Variants in HDAC9 observed in about 807,000 individuals in gnomAD.
HDAC9 encodes the protein histone deacetylase 9.
Under a neutral mutation model 139.4 loss-of-function variants are expected in HDAC9, and 41 were observed. That is an observed-to-expected ratio of 0.29 (90% CI 0.23 to 0.38). The LOEUF (loss-of-function observed/expected upper bound fraction) is 0.38. HDAC9 is among the 10% of genes least tolerant of loss of function. HDAC9 has a pLI of 1.00. For missense variants in HDAC9, 1,147 were observed against 1,297.0 expected (o/e 0.88, Z 1.78); for synonymous variants, 517 against 476.2 (o/e 1.09, Z -1.12).
chr7:18,609,660 T>C (rs1302821939), intron 6 of HDAC9, among the ~76,000 whole-genome samples: 2 of 152,208 alleles, frequency 1.3e-5, no homozygotes, highest in African/African-American at 4.8e-5. Context: ...CTTTAAGTTG[T>C]AGGGTACATG....
At chr7:18,952,714 T>A (rs1479810139) in intron 23 of HDAC9, among the ~76,000 whole-genome samples, 1 of 151,950 alleles carries the variant, frequency 6.6e-6, no homozygotes, top group African/African-American at 2.4e-5. Context: ...ACTAACATAT[T>A]CTTGAAGATA....
intron 1 of HDAC9, among the ~76,000 whole-genome samples, chr7:18,108,906 A>T (rs559938525): frequency 6.6e-6 from 1 of 152,166 alleles, no homozygotes; most frequent in African/African-American, 2.4e-5. Context: ...GGTGTGAGCC[A>T]CTGCGCCTGG....
chr7:18,183,150 C>T (rs1230520090), intron 2 of HDAC9, among the ~76,000 whole-genome samples: 2 of 152,026 alleles, frequency 1.3e-5, no homozygotes, highest in Non-Finnish European at 2.9e-5. Context: ...GCTGGGACTA[C>T]AGGTGCCTGC....
intron 8 of HDAC9, among the ~76,000 whole-genome samples, chr7:18,642,096 T>A (rs1785811760): frequency 6.6e-6 from 1 of 152,032 alleles, no homozygotes; most frequent in African/African-American, 2.4e-5. Flanking sequence ...AATGTCCCGG[T>A]CTGTAAAGTT....
chr7:18,648,931 T>G (rs1211564582), intron 11 of HDAC9, among the ~76,000 whole-genome samples: 2 of 152,190 alleles, frequency 1.3e-5, no homozygotes, highest in Non-Finnish European at 2.9e-5. Flanking sequence ...TGATCAGGTA[T>G]ATATTTTGGT....
chr7:18,657,397 T>C (rs1172449963), intron 11 of HDAC9, among the ~76,000 whole-genome samples: 1 of 152,122 alleles, frequency 6.6e-6, no homozygotes, highest in Non-Finnish European at 1.5e-5. Context: ...CTGAGACCCA[T>C]TCCCAAATCA....
intron 1 of HDAC9, among the ~76,000 whole-genome samples, chr7:18,100,441 T>C (rs921928693): frequency 1.3e-5 from 2 of 152,140 alleles, no homozygotes; most frequent in Non-Finnish European, 2.9e-5. Context: ...CAGTTGCATG[T>C]ATATTAGGAT....
chr7:18,130,165 A>G (rs1319566000), intron 1 of HDAC9, among the ~76,000 whole-genome samples: 12 of 152,130 alleles, frequency 7.9e-5, no homozygotes, highest in Admixed American at 6.6e-5. Flanking sequence ...TGAAATCCAG[A>G]ATCCACAACC....
chr7:18,979,625 C>T (rs768704675), intron 25 of HDAC9, among the ~76,000 whole-genome samples: 21 of 152,156 alleles, frequency 1.4e-4, no homozygotes, highest in African/African-American at 5.1e-4. Context: ...TTAATTAGCT[C>T]ACAGTTCCAC....
Position 18,290,839 on chromosome 7 carries a change from C to T in HDAC9, c.-42+324C>T, listed in dbSNP as rs117533313. 3.3e-3 allele frequency among the ~76,000 whole-genome samples: 496 copies of T among 152,144 alleles called. 2 individuals carry two copies. The highest frequency in any genetic ancestry group is 4.8e-3 in the Admixed American group (74 of 15,268). On this transcript the variant is annotated intron_variant, in intron 1 of 3. Coordinates refer to the HDAC9 transcript ENST00000413509. ...GTACTCTGATTTTTTGAAATTTAGC[C>T]CGGAATTGTCAGCAGGGGCATTATC...
In HDAC9 at chr7:18,473,433, A is replaced by G. The variant is rs978240130; in HGVS notation, c.-41-22829A>G. On this transcript the variant is annotated intron_variant, in intron 1 of 3. Transcript: ENST00000413509. ...TTCCTATATACACATCAGCTTTACA[A>G]GTCTCTAGGAGACAATATTTCTTTT... 3.9e-5 allele frequency among the ~76,000 whole-genome samples: 6 copies of G among 152,204 alleles called. No homozygotes were observed. The South Asian group carries it at 1.2e-3, about 31-fold the overall frequency.
At chr7:18,736,167 A>C (rs1386411272) in intron 13 of HDAC9, among the ~76,000 whole-genome samples, 2 of 152,226 alleles carry the variant, frequency 1.3e-5, no homozygotes, top group East Asian at 3.8e-4. Flanking sequence ...ATATACAATC[A>C]TGTCATCTGC....
chr7:18,945,746 A>T (rs1249916386), intron 23 of HDAC9, among the ~76,000 whole-genome samples: 1 of 152,070 alleles, frequency 6.6e-6, no homozygotes, highest in Non-Finnish European at 1.5e-5. Flanking sequence ...TATAGAAAAG[A>T]CCATCCATTC....
intron 12 of HDAC9, among the ~76,000 whole-genome samples, chr7:18,708,450 G>A (rs1784102051): frequency 6.6e-6 from 1 of 152,222 alleles, no homozygotes. Flanking sequence ...CAAATAGTGA[G>A]ACTGATCATA....
chr7:18,365,561 A>T (rs1052957371), intron 1 of HDAC9, among the ~76,000 whole-genome samples: 2 of 152,130 alleles, frequency 1.3e-5, no homozygotes. Flanking sequence ...TTAGCCTAGG[A>T]ATAGAAAATA....
At chr7:18,659,748 C>T (rs771618204) in intron 11 of HDAC9, among the ~76,000 whole-genome samples, 8 of 152,150 alleles carry the variant, frequency 5.3e-5, no homozygotes, top group Admixed American at 6.6e-5. Context: ...TGGTGTCAGA[C>T]GAGTGGCACA....
chr7:18,244,419 C>G (rs1182622906), intron 2 of HDAC9, among the ~76,000 whole-genome samples: 2 of 152,164 alleles, frequency 1.3e-5, no homozygotes, highest in African/African-American at 4.8e-5. Context: ...TTCTTGAAAA[C>G]TTGCTTCATG....
chr7:18,785,662 GA>G (rs1469440619), intron 16 of HDAC9, among the ~76,000 whole-genome samples: 1 of 152,104 alleles, frequency 6.6e-6, no homozygotes, highest in Non-Finnish European at 1.5e-5. Flanking sequence ...TATTTAATTA[GA>G]AAACTCTTTA....
intron 2 of HDAC9, among the ~76,000 whole-genome samples, chr7:18,169,102 A>G (rs1788224532): frequency 6.6e-6 from 1 of 151,722 alleles, no homozygotes; most frequent in African/African-American, 2.4e-5. Flanking sequence ...CATGCCTGGC[A>G]AATTTTTTGT....
Sources: allele counts gnomAD v4.1 joint callset (sites outside exome capture counted in the v4.1 genomes callset), GRCh38; gene constraint gnomAD v4.1.1; transcripts MANE v1.5; gene names NCBI Gene and HGNC (gene_info 2026-07-23, HGNC 2026-07-21).